The following FHIT variants were observed in gnomAD, a reference collection of about 807,000 sequenced individuals.
FHIT encodes fragile histidine triad diadenosine triphosphatase.
In FHIT, 19 loss-of-function variants were observed where a neutral mutation model predicts 17.9. The observed-to-expected ratio is 1.06, with a 90% confidence interval of 0.74 to 1.56. The LOEUF (loss-of-function observed/expected upper bound fraction) is 1.56. Ranked by LOEUF, FHIT falls within the 40% of genes most tolerant of loss-of-function variation. The pLI is 0.00. For synonymous variants in FHIT, 81 were observed against 69.7 expected (o/e 1.16, Z -0.81); for missense variants, 248 against 189.2 (o/e 1.31, Z -1.82).
At chr3:60,337,772 C>G (rs1336540539) in intron 5 of FHIT, among the ~76,000 whole-genome samples, 3 of 152,134 alleles carry the variant, frequency 2.0e-5, no homozygotes, top group Non-Finnish European at 1.5e-5. Context: ...ACAGGTGTAC[C>G]TGGGGTTTCC....
chr3:60,953,914 T>C (rs1311730200), intron 3 of FHIT, among the ~76,000 whole-genome samples: 1 of 145,840 alleles, frequency 6.9e-6, no homozygotes, highest in African/African-American at 2.7e-5. Flanking sequence ...GTTTAAACTC[T>C]TTTGTTTTCA....
At chr3:61,036,856 T>TA (rs1312631441) in intron 3 of FHIT, among the ~76,000 whole-genome samples, 1 of 151,200 alleles carries the variant, frequency 6.6e-6, no homozygotes, top group African/African-American at 2.4e-5. Flanking sequence ...GACTTGCCAT[T>TA]AAAAAATTAC....
At chr3:61,017,857 A>C (rs993211753) in intron 3 of FHIT, among the ~76,000 whole-genome samples, 1 of 152,200 alleles carries the variant, frequency 6.6e-6, no homozygotes, top group Admixed American at 6.5e-5. Context: ...GAAGTGGCTA[A>C]AGAGAAAAAA....
intron 5 of FHIT, among the ~76,000 whole-genome samples, chr3:60,325,618 T>A (rs1378923958): frequency 6.6e-6 from 1 of 152,164 alleles, no homozygotes; most frequent in Non-Finnish European, 1.5e-5. Flanking sequence ...ATCTAACAGG[T>A]TTTAGTGAAT....
chr3:60,341,534 C>T (rs1432400201), intron 5 of FHIT, among the ~76,000 whole-genome samples: 1 of 151,974 alleles, frequency 6.6e-6, no homozygotes, highest in African/African-American at 2.4e-5. Flanking sequence ...GTTCTAAGCT[C>T]TGTTGGGATC....
intron 5 of FHIT, among the ~76,000 whole-genome samples, chr3:60,114,993 G>A (rs950095261): frequency 2.6e-5 from 4 of 151,902 alleles, no homozygotes; most frequent in Admixed American, 2.6e-4. Context: ...AACTATTTAA[G>A]GAAAATATGT....
chr3:60,790,953 TA>T (rs1194079523), intron 4 of FHIT, among the ~76,000 whole-genome samples: 39 of 152,342 alleles, frequency 2.6e-4, no homozygotes, highest in African/African-American at 9.1e-4. Context: ...AGTTTTTCAG[TA>T]AAACTAAATT....
chr3:60,266,567 T>A (rs75326416), intron 5 of FHIT, among the ~76,000 whole-genome samples: 17,612 of 152,054 alleles, frequency 0.12, 1,220 homozygotes, highest in Middle Eastern at 0.17. Flanking sequence ...ATTATATCTC[T>A]CTAAAGATGT....
intron 5 of FHIT, among the ~76,000 whole-genome samples, chr3:60,348,224 G>GA (rs1179041438): frequency 6.6e-6 from 1 of 152,006 alleles, no homozygotes; most frequent in Non-Finnish European, 1.5e-5. Flanking sequence ...ATAAATGAAT[G>GA]AAAAAAGCAA....
rs77984932 is a variant in FHIT at position 60,219,361 on chromosome 3, A to G, written c.104-205209T>C. Among the ~76,000 whole-genome samples, 105 of 152,258 alleles carry G rather than the reference A, an allele frequency of 6.9e-4. 3 individuals are homozygous for G. In the East Asian group the frequency reaches 0.016, roughly 23 times the overall value. Reference sequence around the variant, plus strand: ...TGTTCAATATCTATTTCATCTGTGTAACAAGTATTATAAATAATAAAAGTT... The same window carrying G: ...TGTTCAATATCTATTTCATCTGTGTGACAAGTATTATAAATAATAAAAGTT... On this transcript the variant is annotated intron_variant, in intron 5 of 9. Coordinates refer to ENST00000492590, the MANE Select transcript of FHIT (RefSeq NM_002012.4).
rs183818019 is a variant in FHIT at position 61,077,852 on chromosome 3, A to G, written c.-163-35753T>C. Among the ~76,000 whole-genome samples the G allele has an allele frequency of 1.6e-4, 24 of 152,308 alleles. No homozygotes were observed. The East Asian group carries it at 4.4e-3, about 28-fold the overall frequency. Reference sequence around the variant, plus strand: ...GTTGCAAACAGCCCGGCACATAGCAACTACTCAATAAATATCCTGGAAATA... The same window carrying G: ...GTTGCAAACAGCCCGGCACATAGCAGCTACTCAATAAATATCCTGGAAATA... On this transcript the variant is annotated intron_variant, in intron 2 of 9. Transcript: ENST00000492590.
At chr3:59,875,270 C>T (rs1045111377) in intron 8 of FHIT, among the ~76,000 whole-genome samples, 2 of 152,230 alleles carry the variant, frequency 1.3e-5, no homozygotes, top group African/African-American at 4.8e-5. Context: ...CGCTGGTTGA[C>T]CTCTGAGGCG....
intron 4 of FHIT, among the ~76,000 whole-genome samples, chr3:60,655,269 G>A (rs782102443): frequency 5.9e-5 from 9 of 152,126 alleles, no homozygotes; most frequent in Non-Finnish European, 1.0e-4. Context: ...TTGCACTACA[G>A]GTGTTTCAAA....
chr3:59,876,984 G>A (rs938501512), intron 8 of FHIT, among the ~76,000 whole-genome samples: 2 of 152,138 alleles, frequency 1.3e-5, no homozygotes, highest in Non-Finnish European at 2.9e-5. Context: ...AGACACATAA[G>A]AAGAAATGAG....
intron 2 of FHIT, among the ~76,000 whole-genome samples, chr3:61,153,568 T>A (rs771888915): frequency 5.3e-5 from 8 of 152,206 alleles, no homozygotes; most frequent in Non-Finnish European, 8.8e-5. Context: ...CAGATCATTT[T>A]GGTGATATAG....
At chr3:60,941,077 G>A (rs1708389914) in intron 3 of FHIT, among the ~76,000 whole-genome samples, 1 of 152,092 alleles carries the variant, frequency 6.6e-6, no homozygotes, top group Non-Finnish European at 1.5e-5. Flanking sequence ...TATGTAATCA[G>A]TATACAAATA....
intron 7 of FHIT, among the ~76,000 whole-genome samples, chr3:59,953,367 G>GTGTCTC (rs1383220496): frequency 6.6e-6 from 1 of 151,866 alleles, no homozygotes; most frequent in Non-Finnish European, 1.5e-5. Context: ...CCTCCAGTGA[G>GTGTCTC]TGTCTCCCTA....
At chr3:60,439,276 T>A (rs1156617392) in intron 5 of FHIT, among the ~76,000 whole-genome samples, 3 of 152,122 alleles carry the variant, frequency 2.0e-5, no homozygotes, top group East Asian at 1.9e-4. Flanking sequence ...ACCAAACAGA[T>A]GCACATTATA....
chr3:60,666,229 T>G (rs2040379166), intron 4 of FHIT, among the ~76,000 whole-genome samples: 1 of 152,218 alleles, frequency 6.6e-6, no homozygotes, highest in African/African-American at 2.4e-5. Context: ...TCATCTTGTA[T>G]TGTTTCCTTT....
Sources: allele counts gnomAD v4.1 joint callset (sites outside exome capture counted in the v4.1 genomes callset), GRCh38; gene constraint gnomAD v4.1.1; transcripts MANE v1.5; gene names NCBI Gene and HGNC (gene_info 2026-07-23, HGNC 2026-07-21).